Variants in MARCHF1 observed in about 807,000 individuals in gnomAD.
MARCHF1 encodes the protein membrane associated ring-CH-type finger 1, also known as E3 ubiquitin-protein ligase MARCHF1.
A neutral mutation model predicts 54.2 loss-of-function variants in MARCHF1; 40 were observed. The observed-to-expected ratio is 0.74, with a 90% confidence interval of 0.57 to 0.96. The LOEUF (loss-of-function observed/expected upper bound fraction) is 0.96, where lower values mean the gene tolerates loss of function less well. Among genes scored for constraint, MARCHF1 ranks in the 40% least tolerant of loss-of-function variants. The probability of loss-of-function intolerance (pLI) is 0.00; values close to 1 mark genes in which losing one functional copy is unlikely to be tolerated. For missense variants in MARCHF1, 586 were observed against 656.5 expected, an observed-to-expected ratio of 0.89 and a Z score of 1.17; for synonymous variants, 236 against 236.3, an observed-to-expected ratio of 1.00 and a Z score of 0.01.
chr4:164,269,842 T>C (rs571468802), intron 1 of MARCHF1, among the ~76,000 whole-genome samples: 2 of 152,256 alleles, frequency 1.3e-5, no homozygotes, highest in Admixed American at 6.5e-5. Flanking sequence ...CTACATCTTC[T>C]TCACTCCATT....
intron 1 of MARCHF1, chr4:164,383,326 C>T (rs1358452697): frequency 6.6e-6 from 1 of 152,312 alleles, no homozygotes; most frequent in Non-Finnish European, 1.5e-5. Flanking sequence ...GAACCCGACT[C>T]AGGGTTGAGC....
intron 4 of MARCHF1, among the ~76,000 whole-genome samples, chr4:163,775,165 A>C (rs2110882941): frequency 6.6e-6 from 1 of 152,280 alleles, no homozygotes; most frequent in South Asian, 2.1e-4. Flanking sequence ...TTGTTGCAAA[A>C]GCAAACAAAC....
chr4:163,598,563 A>C (rs1238904579), intron 7 of MARCHF1, among the ~76,000 whole-genome samples: 1 of 152,220 alleles, frequency 6.6e-6, no homozygotes, highest in Admixed American at 6.5e-5. Context: ...ACTGTACTGA[A>C]TACTGTGGAC....
At chr4:163,692,949 A>G (rs1160975003) in intron 5 of MARCHF1, among the ~76,000 whole-genome samples, 1 of 151,514 alleles carries the variant, frequency 6.6e-6, no homozygotes, top group African/African-American at 2.4e-5. Flanking sequence ...GTTCTTTTCA[A>G]TATTTGTCAT....
chr4:164,028,930 T>C (rs1313159493), intron 2 of MARCHF1, among the ~76,000 whole-genome samples: 2 of 152,160 alleles, frequency 1.3e-5, no homozygotes, highest in African/African-American at 4.8e-5. Context: ...TAAACCTTAT[T>C]GAATTTTACC....
intron 5 of MARCHF1, among the ~76,000 whole-genome samples, chr4:163,635,290 A>G (rs1742271470): frequency 7.0e-6 from 1 of 141,900 alleles, no homozygotes; most frequent in African/African-American, 2.8e-5. Context: ...AACCCTTCAA[A>G]AAATTAATGA....
chr4:164,369,296 T>C (rs1262336721), intron 1 of MARCHF1, among the ~76,000 whole-genome samples: 2 of 152,130 alleles, frequency 1.3e-5, no homozygotes, highest in African/African-American at 2.4e-5. Flanking sequence ...TTATATGAGT[T>C]CTCACTACCG....
intron 1 of MARCHF1, among the ~76,000 whole-genome samples, chr4:164,364,226 A>G (rs1730810626): frequency 6.6e-6 from 1 of 152,176 alleles, no homozygotes; most frequent in African/African-American, 2.4e-5. Context: ...TGTGCATTAG[A>G]CCATTTCATT....
At chr4:163,849,502 G>A (rs1158574716) in intron 4 of MARCHF1, among the ~76,000 whole-genome samples, 1 of 152,094 alleles carries the variant, frequency 6.6e-6, no homozygotes, top group Non-Finnish European at 1.5e-5. Flanking sequence ...TACCAAAGAA[G>A]GAATGCATTT....
At chr4:164,372,330 T>G (rs1578909089) in intron 1 of MARCHF1, among the ~76,000 whole-genome samples, 1 of 152,118 alleles carries the variant, frequency 6.6e-6, no homozygotes, top group East Asian at 1.9e-4. Flanking sequence ...GCACAGTAAG[T>G]GGACTGTATT....
intron 3 of MARCHF1, among the ~76,000 whole-genome samples, chr4:163,970,224 A>G (rs1002091723): frequency 1.3e-5 from 2 of 152,202 alleles, no homozygotes; most frequent in African/African-American, 4.8e-5. Flanking sequence ...GAAAAGTTGT[A>G]ATATATTGTA....
At chr4:164,348,166 C>T (rs1280805346) in intron 1 of MARCHF1, among the ~76,000 whole-genome samples, 2 of 151,130 alleles carry the variant, frequency 1.3e-5, no homozygotes, top group East Asian at 3.9e-4. Flanking sequence ...CAATAATTGG[C>T]ATCAAAAGAG....
chr4:163,830,364 A>G (rs557313322), intron 4 of MARCHF1, among the ~76,000 whole-genome samples: 17 of 152,074 alleles, frequency 1.1e-4, no homozygotes, highest in African/African-American at 4.1e-4. Context: ...GCACAATCAT[A>G]GTACATTGAT....
intron 4 of MARCHF1, among the ~76,000 whole-genome samples, chr4:163,721,501 G>C (rs2111291384): frequency 6.6e-6 from 1 of 152,106 alleles, no homozygotes; most frequent in South Asian, 2.1e-4. Context: ...TTTTTTTGTT[G>C]TGTCTCTGCC....
At chr4:163,781,333 CTG>C (rs750104554) in intron 4 of MARCHF1, among the ~76,000 whole-genome samples, 1 of 152,106 alleles carries the variant, frequency 6.6e-6, no homozygotes, top group Non-Finnish European at 1.5e-5. Context: ...CTGGGAAACT[CTG>C]TGAGACTCCA....
At chr4:163,547,165 C>T (rs574389438) in intron 8 of MARCHF1, among the ~76,000 whole-genome samples, 5 of 152,196 alleles carry the variant, frequency 3.3e-5, no homozygotes, top group Non-Finnish European at 5.9e-5. Context: ...CTGTCTCTGC[C>T]ACCAGCTTTG....
chr4:163,719,903 G>A (rs1288139715), intron 4 of MARCHF1, among the ~76,000 whole-genome samples: 1 of 152,106 alleles, frequency 6.6e-6, no homozygotes, highest in East Asian at 1.9e-4. Flanking sequence ...ATTTGTTTGA[G>A]TTCTTTGTAG....
Position 164,157,625 on chromosome 4 carries a change from G to A in MARCHF1, c.-322-45963C>T, listed in dbSNP as rs141471400. ...TGTAGGGGAGTCCTACTTTGTCTCTGTCTAGCATCTGGGTAATTCTTGACT... is the reference window on the plus strand; with the variant it reads ...TGTAGGGGAGTCCTACTTTGTCTCTATCTAGCATCTGGGTAATTCTTGACT... On this transcript the variant is annotated intron_variant, in intron 1 of 9. Transcript: ENST00000514618. Among the ~76,000 whole-genome samples the A allele has an allele frequency of 1.6e-3, 251 of 152,236 alleles. 1 individual carries two copies. Among genetic ancestry groups the A allele is most frequent in the African/African-American group, 5.9e-3 (247 of 41,540 alleles).
intron 8 of MARCHF1, chr4:163,583,652 G>GTTTCTTT (rs1740308638): frequency 8.1e-6 from 1 of 123,826 alleles, no homozygotes; most frequent in Non-Finnish European, 1.6e-5. Flanking sequence ...TTTTTTGTGT[G>GTTTCTTT]TTTTTTTTTT....
Sources: gnomAD v4.1 joint callset for allele counts (sites outside exome capture counted in the v4.1 genomes callset) on GRCh38, gnomAD v4.1.1 for gene constraint, MANE v1.5 for transcripts, NCBI Gene and HGNC (gene_info 2026-07-23, HGNC 2026-07-21) for gene names.